The following RNF225 variants were observed in gnomAD, a reference collection of about 807,000 sequenced individuals.
RNF225 encodes the protein ring finger protein 225.
For synonymous variants in RNF225, 295 were observed against 260.4 expected (o/e 1.13, Z -1.28); for missense variants, 510 against 509.8 (o/e 1.00, Z 0.00).
At position 58,396,883 on chromosome 19, in the gene RNF225, G is replaced by C. The variant is rs941339585; in HGVS notation, c.794G>C (p.Arg265Pro). ...CCCTGGGCCCCCGCCTGGACGCCGC[G>C]CCCCACGGGCCCTGACCTGGACACG... is the stretch of plus-strand genomic sequence containing the variant. ...GSPWAPAWTP[R>P]PTGPDLDTAL... Residue 265 changes from arginine to proline, a missense_variant, in exon 1 of 1, where the codon CGC (arginine) becomes CCC (proline). By Grantham distance (103) the Arg-to-Pro change is moderately radical. Coordinates refer to ENST00000601382, the MANE Select transcript of RNF225 (RefSeq NM_001195135.2). 1 of 1,526,800 alleles carries C rather than the reference G, an allele frequency of 6.5e-7. No individual in the cohort carries two copies. Among genetic ancestry groups the C allele is most frequent in the Admixed American group, 2.0e-5 (1 of 50,496 alleles). 94.6% of individuals were successfully genotyped at this position (1,526,800 alleles called of 1,614,324 possible).
chr19:58,395,830 G>A lies in RNF225; in HGVS notation c.-260G>A, dbSNP rs566854814. ...CCTCCCCATCTCCGTGTTCAACTGCGGTCTGTCTCTCCGTTTCCAATTCAG... is the reference window on the plus strand; with the variant it reads ...CCTCCCCATCTCCGTGTTCAACTGCAGTCTGTCTCTCCGTTTCCAATTCAG... On this transcript the variant is annotated 5_prime_UTR_variant, in exon 1 of 1. Transcript: ENST00000601382. Among the ~76,000 whole-genome samples the A allele has an allele frequency of 1.3e-5, 2 of 149,580 alleles. No homozygotes were observed. Among genetic ancestry groups the A allele is most frequent in the Admixed American group, 6.6e-5 (1 of 15,174 alleles).
chr19:58,396,644 G>A lies in RNF225; in HGVS notation c.555G>A (p.Leu185=). 7.0e-7 allele frequency: 1 copy of A among 1,419,162 alleles called. No individual in the cohort carries two copies. Among genetic ancestry groups the A allele is most frequent in the Middle Eastern group, 2.4e-4 (1 of 4,142 alleles). The allele number at this position is 1,419,162 out of a possible 1,614,324, so 87.9% of individuals were successfully genotyped here. A position where few individuals can be genotyped will look rare whatever the true frequency, so the allele number is the denominator to read the frequency against. The change falls in exon 1 of 1, where the codon CTG becomes CTA. Residue 185 remains leucine (L), a synonymous_variant. Coordinates refer to ENST00000601382, the MANE Select transcript of RNF225 (RefSeq NM_001195135.2). The stretch of plus-strand genomic sequence containing the variant: ...CGCCTCTGCGCCTGGGCCGCCCGCT[G>A]TCGCGCCGCTTGTCGCTGGCCAGCC... ...PPPPLRLGRP[L]SRRLSLASPA... is the part of the protein sequence containing the mutation.
Position 58,396,939 on chromosome 19 carries a change from G to T in RNF225, c.850G>T (p.Glu284Ter), listed in dbSNP as rs1041963282. The change falls in exon 1 of 1, where the codon GAG becomes TAG. Residue 284 changes from glutamate (E) to a stop codon, truncating the protein, a stop_gained. Transcript: ENST00000601382. LOFTEE classifies it low-confidence loss of function (END_TRUNC). ...GCCAGGAACTGCAGAAGATGCGCTG[G>T]AGCCCGAGGCGGGCCCCGAGGACCC... is the stretch of plus-strand genomic sequence containing the variant. The part of the protein sequence containing the change: ...ALPGTAEDAL[E>*]PEAGPEDPAE... 2.2e-4 allele frequency: 330 copies of T among 1,534,000 alleles called. No individual in the cohort carries two copies. The highest frequency in any genetic ancestry group is 2.7e-4 in the Non-Finnish European group (307 of 1,146,368).
chr19:58,396,355 T>C lies in RNF225; in HGVS notation c.266T>C (p.Leu89Pro), dbSNP rs2052398821. 1.3e-6 allele frequency: 2 copies of C among 1,535,242 alleles called. No individual in the cohort carries two copies. The highest frequency in any genetic ancestry group is 2.7e-5 in the African/African-American group (2 of 73,010). The change falls in exon 1 of 1, where the codon CTC becomes CCC. Residue 89 changes from leucine to proline, a missense_variant. By Grantham distance (98) the Leu-to-Pro change is moderately conservative. Transcript: ENST00000601382. The part of the protein sequence containing the change: ...KRLDCGHVFC[L>P]ECLARLSLAT... Reference sequence around the variant, plus strand: ...CTGGACTGCGGCCACGTCTTCTGTCTCGAGTGCCTGGCGCGCCTATCGTTG... The same window carrying C: ...CTGGACTGCGGCCACGTCTTCTGTCCCGAGTGCCTGGCGCGCCTATCGTTG...
chr19:58,396,477 T>G lies in RNF225; in HGVS notation c.388T>G (p.Ser130Ala), dbSNP rs2052400224. The G allele has an allele frequency of 7.1e-7, 1 of 1,404,044 alleles. No homozygotes were observed. Among genetic ancestry groups the G allele is most frequent in the South Asian group, 1.5e-5 (1 of 67,038 alleles). The allele number at this position is 1,404,044 out of a possible 1,614,324, so 87.0% of individuals were successfully genotyped here. A position where few individuals can be genotyped will look rare whatever the true frequency, so the allele number is the denominator to read the frequency against. ...CGGACTCCCCGCGTTGCCCACGCAG[T>G]CCGGTCTCCTGCCCCGCGACGCGCG... ...RRGLPALPTQ[S>A]GLLPRDARAP... is the part of the protein sequence containing the mutation. Residue 130 changes from serine (S) to alanine (A), a missense_variant, in exon 1 of 1, where the codon TCC (serine) becomes GCC (alanine). Ser to Ala is a moderately conservative substitution (Grantham distance 99). Coordinates refer to ENST00000601382, the MANE Select transcript of RNF225 (RefSeq NM_001195135.2).
rs909910959 is a variant in RNF225 at position 58,396,868 on chromosome 19, C to G, written c.779C>G (p.Pro260Arg). ...CCCCCGCCGGGGTCGCCCTGGGCCC[C>G]CGCCTGGACGCCGCGCCCCACGGGC... is the stretch of plus-strand genomic sequence containing the variant. ...PRPPPGSPWA[P>R]AWTPRPTGPD... is the part of the protein sequence containing the mutation. Residue 260 changes from proline (P) to arginine (R), a missense_variant, in exon 1 of 1, where the codon CCC becomes CGC. By Grantham distance (103) the Pro-to-Arg change is moderately radical. Transcript: ENST00000601382. 4.6e-5 allele frequency: 70 copies of G among 1,525,562 alleles called. No homozygotes were observed. The highest frequency in any genetic ancestry group is 5.3e-5 in the Non-Finnish European group (61 of 1,143,178). 94.5% of individuals were successfully genotyped at this position (1,525,562 alleles called of 1,614,324 possible).
Position 58,396,547 on chromosome 19 carries a change from G to A in RNF225, c.458G>A (p.Arg153His). The change falls in exon 1 of 1, where the codon CGC becomes CAC. Residue 153 changes from arginine to histidine, a missense_variant. By Grantham distance (29) the Arg-to-His change is conservative (BLOSUM62 0). Coordinates refer to ENST00000601382, the MANE Select transcript of RNF225 (RefSeq NM_001195135.2). Reference protein sequence around the residue: ...RQGSVRFDRRRGLLYLRPPPP... With the variant: ...RQGSVRFDRRHGLLYLRPPPP... Reference sequence around the variant, plus strand: ...GGCTCCGTGCGCTTCGACCGGCGCCGCGGCCTTCTCTACCTGCGGCCGCCG... The same window carrying A: ...GGCTCCGTGCGCTTCGACCGGCGCCACGGCCTTCTCTACCTGCGGCCGCCG... The A allele has an allele frequency of 1.7e-6, 2 of 1,165,094 alleles. No homozygotes were observed. The highest frequency in any genetic ancestry group is 2.1e-6 in the Non-Finnish European group (2 of 947,332). The allele number at this position is 1,165,094 out of a possible 1,614,324, so 72.2% of individuals were successfully genotyped here. A position where few individuals can be genotyped will look rare whatever the true frequency, so the allele number is the denominator to read the frequency against.
In RNF225 at chr19:58,396,309, G is replaced by A; in HGVS notation, c.220G>A (p.Val74Met). The A allele has an allele frequency of 1.3e-6, 2 of 1,535,808 alleles. No homozygotes were observed. Among genetic ancestry groups the A allele is most frequent in the Non-Finnish European group, 1.7e-6 (2 of 1,146,804 alleles). Reference protein sequence around the residue: ...CLICVSSFDGVFKLPKRLDCG... With the variant: ...CLICVSSFDGMFKLPKRLDCG... ...CATCTGCGTGTCGTCCTTCGACGGC[G>A]TGTTCAAGCTGCCCAAGCGCCTGGA... Residue 74 changes from valine (V) to methionine (M), a missense_variant, in exon 1 of 1, where the codon GTG (valine) becomes ATG (methionine). Coordinates refer to ENST00000601382, the MANE Select transcript of RNF225 (RefSeq NM_001195135.2).
Position 58,396,177 on chromosome 19 carries a change from C to T in RNF225, c.88C>T (p.Arg30Cys), listed in dbSNP as rs1324834283. 6 of 1,538,202 alleles carry T rather than the reference C, an allele frequency of 3.9e-6. No homozygotes were observed. The East Asian group carries it at 7.3e-5, about 19-fold the overall frequency. ...PSSPGSLSAP[R>C]SPSRGEDQEE... ...CTCCCCAGGCTCGCTCTCTGCGCCC[C>T]GCTCCCCAAGCAGAGGGGAAGACCA... The change falls in exon 1 of 1, where the codon CGC becomes TGC. Residue 30 changes from arginine to cysteine, a missense_variant. Coordinates refer to ENST00000601382, the MANE Select transcript of RNF225 (RefSeq NM_001195135.2).
In RNF225 at chr19:58,396,418, T is replaced by G. The variant is rs1211817277; in HGVS notation, c.329T>G (p.Val110Gly). Residue 110 changes from valine to glycine, a missense_variant, in exon 1 of 1, where the codon GTG becomes GGG. Coordinates refer to ENST00000601382, the MANE Select transcript of RNF225 (RefSeq NM_001195135.2). ...GGCGGCAACGCGGTGGCCTGTCCGG[T>G]GTGCCGCGCGCCCACGCGCCTGGCC... is the stretch of plus-strand genomic sequence containing the variant. ...AGGGNAVACPVCRAPTRLAPR... is the reference protein window; with the variant it reads ...AGGGNAVACPGCRAPTRLAPR... The G allele has an allele frequency of 2.7e-6, 4 of 1,506,290 alleles. No homozygotes were observed. The African/African-American group carries it at 5.7e-5, about 22-fold the overall frequency. 93.3% of individuals were successfully genotyped at this position (1,506,290 alleles called of 1,614,324 possible).
In RNF225 at chr19:58,396,899, C is replaced by T; in HGVS notation, c.810C>T (p.Asp270=). Residue 270 remains aspartate (D), a synonymous_variant, in exon 1 of 1, where the codon GAC becomes GAT. Coordinates refer to ENST00000601382, the MANE Select transcript of RNF225 (RefSeq NM_001195135.2). ...GGACGCCGCGCCCCACGGGCCCTGACCTGGACACGGCCCTGCCAGGAACTG... is the reference window on the plus strand; with the variant it reads ...GGACGCCGCGCCCCACGGGCCCTGATCTGGACACGGCCCTGCCAGGAACTG... ...PAWTPRPTGP[D]LDTALPGTAE... 6.5e-7 allele frequency: 1 copy of T among 1,533,594 alleles called. No individual in the cohort carries two copies. Among genetic ancestry groups the T allele is most frequent in the Non-Finnish European group, 8.7e-7 (1 of 1,146,028 alleles). 95.0% of individuals were successfully genotyped at this position (1,533,594 alleles called of 1,614,324 possible).
chr19:58,396,543 CG>C lies in RNF225; in HGVS notation c.455del (p.Arg152ProfsTer?), dbSNP rs2052400967. 1 of 1,172,844 alleles carries C rather than the reference CG, an allele frequency of 8.5e-7. No individual in the cohort carries two copies. Among genetic ancestry groups the C allele is most frequent in the Admixed American group, 4.7e-5 (1 of 21,304 alleles). 72.7% of individuals were successfully genotyped at this position (1,172,844 alleles called of 1,614,324 possible). A position where few individuals can be genotyped will look rare whatever the true frequency, so the allele number is the denominator to read the frequency against. On this transcript the variant is annotated frameshift_variant, in exon 1 of 1. Transcript: ENST00000601382. LOFTEE classifies it low-confidence loss of function (END_TRUNC). ...SRQGSVRFDR[R>X]RGLLYLRPPP... ...CCAGGGCTCCGTGCGCTTCGACCGG[CG>C]CCGCGGCCTTCTCTACCTGCGGCCG...
rs1271237740 is a variant in RNF225, at chr19:58,396,001, TC to T, written c.-86del. 3.6e-5 allele frequency: 47 copies of T among 1,293,492 alleles called. No homozygotes were observed. In the South Asian group the frequency reaches 4.9e-4, roughly 13 times the overall value. 80.1% of individuals were successfully genotyped at this position (1,293,492 alleles called of 1,614,324 possible). On this transcript the variant is annotated 5_prime_UTR_variant, in exon 1 of 1. Transcript: ENST00000601382. ...CTCTCTAAAGTACAGTCCCCAGTCT[TC>T]CCTGGATTCCCTGCTGGTCTCAGAA...
At position 58,396,935 on chromosome 19, in the gene RNF225, G is replaced by C. The variant is rs1054283692; in HGVS notation, c.846G>C (p.Ala282=). The part of the protein sequence containing the change: ...DTALPGTAED[A]LEPEAGPEDP... ...CCCTGCCAGGAACTGCAGAAGATGC[G>C]CTGGAGCCCGAGGCGGGCCCCGAGG... The change falls in exon 1 of 1, where the codon GCG becomes GCC. Residue 282 remains alanine (A), a synonymous_variant. Coordinates refer to ENST00000601382, the MANE Select transcript of RNF225 (RefSeq NM_001195135.2). 16 of 1,534,022 alleles carry C rather than the reference G, an allele frequency of 1.0e-5. No homozygotes were observed. The highest frequency in any genetic ancestry group is 1.4e-5 in the Non-Finnish European group (16 of 1,146,358).
In RNF225 at chr19:58,396,786, C is replaced by T. The variant is rs1401187920; in HGVS notation, c.697C>T (p.Arg233Trp). The change falls in exon 1 of 1, where the codon CGG (arginine) becomes TGG (tryptophan). Residue 233 changes from arginine (R) to tryptophan (W), a missense_variant. Arg to Trp is a moderately radical substitution (Grantham distance 101, BLOSUM62 -3). Coordinates refer to ENST00000601382, the MANE Select transcript of RNF225 (RefSeq NM_001195135.2). ...GCACGCCACCTCCTCCGGCCCCCCG[C>T]GGCCCCAGCTCGTGGCGCTCGCTCC... ...IPHATSSGPPRPQLVALAPAP... is the reference protein window; with the variant it reads ...IPHATSSGPPWPQLVALAPAP... 4 of 1,515,654 alleles carry T rather than the reference C, an allele frequency of 2.6e-6. No individual in the cohort carries two copies. The highest frequency in any genetic ancestry group is 1.2e-5 in the South Asian group (1 of 82,300). The allele number at this position is 1,515,654 out of a possible 1,614,324, so 93.9% of individuals were successfully genotyped here.
chr19:58,397,015 C>A lies in RNF225; in HGVS notation c.926C>A (p.Thr309Lys), dbSNP rs1014751860. 7.8e-6 allele frequency: 12 copies of A among 1,533,500 alleles called. No homozygotes were observed. The East Asian group carries it at 2.9e-4, about 38-fold the overall frequency. 95.0% of individuals were successfully genotyped at this position (1,533,500 alleles called of 1,614,324 possible). The change falls in exon 1 of 1, where the codon ACA (threonine) becomes AAA (lysine). Residue 309 changes from threonine to lysine, a missense_variant. Thr to Lys is a moderately conservative substitution (Grantham distance 78, BLOSUM62 -1). Coordinates refer to ENST00000601382, the MANE Select transcript of RNF225 (RefSeq NM_001195135.2). ...LDRRSDGTWG[T>K]EAGPGWAPWP... The stretch of plus-strand genomic sequence containing the variant: ...AGGCGATCGGATGGCACGTGGGGCA[C>A]AGAGGCTGGCCCCGGCTGGGCCCCG...
Position 58,396,054 on chromosome 19 carries a change from C to A in RNF225, c.-36C>A. On this transcript the variant is annotated 5_prime_UTR_variant, in exon 1 of 1. Transcript: ENST00000601382. ...CCGCTCCAGGCTCCACCGCCTCCTT[C>A]CCTGCCTGACCTCCTCTCCTCCCAG... 6.8e-7 allele frequency: 1 copy of A among 1,473,542 alleles called. No individual in the cohort carries two copies. The highest frequency in any genetic ancestry group is 1.4e-5 in the South Asian group (1 of 73,310). The allele number at this position is 1,473,542 out of a possible 1,614,324, so 91.3% of individuals were successfully genotyped here.
At position 58,396,269 on chromosome 19, in the gene RNF225, C is replaced by G; in HGVS notation, c.180C>G (p.Ser60=). ...CCGGCCCTATCCTGCCCCCCGCCTC[C>G]CCGGTGGAGTGCCTCATCTGCGTGT... ...PGSGPILPPA[S]PVECLICVSS... is the part of the protein sequence containing the mutation. Residue 60 remains serine, a synonymous_variant, in exon 1 of 1, where the codon TCC becomes TCG. Transcript: ENST00000601382. 6 of 1,536,334 alleles carry G rather than the reference C, an allele frequency of 3.9e-6. No individual in the cohort carries two copies. Among genetic ancestry groups the G allele is most frequent in the Admixed American group, 2.0e-5 (1 of 51,016 alleles).
In RNF225 at chr19:58,396,945, G is replaced by A. The variant is rs2052404684; in HGVS notation, c.856G>A (p.Glu286Lys). Residue 286 changes from glutamate to lysine, a missense_variant, in exon 1 of 1, where the codon GAG (glutamate) becomes AAG (lysine). Coordinates refer to ENST00000601382, the MANE Select transcript of RNF225 (RefSeq NM_001195135.2). ...AACTGCAGAAGATGCGCTGGAGCCC[G>A]AGGCGGGCCCCGAGGACCCGGCGGA... Reference protein sequence around the residue: ...PGTAEDALEPEAGPEDPAEAE... With the variant: ...PGTAEDALEPKAGPEDPAEAE... The A allele has an allele frequency of 1.3e-6, 2 of 1,534,030 alleles. No homozygotes were observed. Among genetic ancestry groups the A allele is most frequent in the Non-Finnish European group, 1.7e-6 (2 of 1,146,392 alleles).
Sources: gnomAD v4.1 joint callset for allele counts (sites outside exome capture counted in the v4.1 genomes callset) on GRCh38, gnomAD v4.1.1 for gene constraint, MANE v1.5 for transcripts, NCBI Gene and HGNC (gene_info 2026-07-23, HGNC 2026-07-21) for gene names.